DNAH11: variants seen among roughly 807,000 people sequenced by gnomAD.
DNAH11 encodes dynein axonemal heavy chain 11.
In DNAH11, 442 loss-of-function variants were observed where a neutral mutation model predicts 526.0. The observed-to-expected ratio is 0.84, with a 90% confidence interval of 0.78 to 0.91. The LOEUF is 0.91. DNAH11 is among the 40% of genes least tolerant of loss of function. The probability of loss-of-function intolerance (pLI) is 0.00; values close to 1 mark genes in which losing one functional copy is unlikely to be tolerated. For missense variants in DNAH11, 6,989 were observed against 5,448.7 expected (o/e 1.28, Z -8.90); for synonymous variants, 2,461 against 1,935.9 (o/e 1.27, Z -7.12).
intron 44 of DNAH11, 40 bp downstream of exon 44, chr7:21,720,896 T>C (rs781280892): frequency 6.2e-7 from 1 of 1,601,526 alleles, no homozygotes; most frequent in Non-Finnish European, 8.5e-7. Flanking sequence ...TTTCCAGTTT[T>C]GTGTGGGACA....
chr7:21,622,428 C>T (rs1445475826), intron 25 of DNAH11, among the ~76,000 whole-genome samples: 1 of 152,174 alleles, frequency 6.6e-6, no homozygotes, highest in African/African-American at 2.4e-5. Context: ...CCATCCCCAT[C>T]AAGCTACCAA....
intron 41 of DNAH11, 139 bp downstream of exon 41, chr7:21,710,842 C>A: frequency 1.1e-6 from 1 of 884,332 alleles, no homozygotes; most frequent in Non-Finnish European, 1.6e-6. Context: ...ATAAGTGTTG[C>A]TTTCCTGATA....
rs775542623 is a variant in DNAH11 at position 21,773,861 on chromosome 7, C to G, written c.9198C>G (p.His3066Gln). The change falls in exon 56 of 82, where the codon CAC becomes CAG. Residue 3066 changes from histidine to glutamine, a missense_variant. Transcript: ENST00000409508. ...STRYYQNERR[H>Q]NYTTPKSFLE... ...GATATTACCAGAATGAGAGAAGACA[C>G]AACTATACCACCCCAAAGAGTTTTC... is the stretch of plus-strand genomic sequence containing the variant. The G allele has an allele frequency of 2.4e-5, 39 of 1,606,422 alleles. No individual in the cohort carries two copies. The East Asian group carries it at 8.7e-4, about 36-fold the overall frequency.
intron 56 of DNAH11, 144 bp downstream of exon 56, chr7:21,774,143 T>C (rs1464985180): frequency 2.6e-6 from 2 of 780,546 alleles, no homozygotes; most frequent in Admixed American, 3.0e-5. Flanking sequence ...AATACACTGC[T>C]ACTGCTTTCA....
chr7:21,779,193 C>G, intron 57 of DNAH11, 89 bp downstream of exon 57: 1 of 1,444,306 alleles, frequency 6.9e-7, no homozygotes, highest in Non-Finnish European at 9.3e-7. Flanking sequence ...AACTTCCTCT[C>G]CAGGGAGCAT....
intron 28 of DNAH11, among the ~76,000 whole-genome samples, 181 bp downstream of exon 28, chr7:21,639,246 A>T (rs1251521641): frequency 6.6e-6 from 1 of 152,206 alleles, no homozygotes; most frequent in Non-Finnish European, 1.5e-5. Flanking sequence ...GAGTAGGAAG[A>T]ATAACTGTCT....
chr7:21,616,147 T>A, intron 21 of DNAH11, 62 bp from the exon 22 acceptor site: 1 of 1,227,396 alleles, frequency 8.1e-7, no homozygotes, highest in South Asian at 1.3e-5. Context: ...TTATATATTT[T>A]GCTGCAGAGA....
At chr7:21,795,776 T>C (rs1284999174) in intron 61 of DNAH11, among the ~76,000 whole-genome samples, 3 of 152,190 alleles carry the variant, frequency 2.0e-5, no homozygotes, top group South Asian at 4.1e-4. Context: ...TGCCAAGTGC[T>C]GCCAAGGGAG....
intron 74 of DNAH11, among the ~76,000 whole-genome samples, chr7:21,874,458 C>T (rs949558838): frequency 5.3e-5 from 8 of 152,030 alleles, no homozygotes; most frequent in African/African-American, 1.9e-4. Context: ...GCCTCAGCCT[C>T]CCAGGTAGCT....
rs1291052192 is a variant in DNAH11 at position 21,739,638 on chromosome 7, A to C, written c.7879A>C (p.Met2627Leu). ...NCQYVACMNPMVGSFTINPRL... is the reference protein window; with the variant it reads ...NCQYVACMNPLVGSFTINPRL... ...CCAGTATGTCGCCTGCATGAATCCGATGGTGGGCAGCTTCACCATCAATCC... is the reference window on the plus strand; with the variant it reads ...CCAGTATGTCGCCTGCATGAATCCGCTGGTGGGCAGCTTCACCATCAATCC... The change falls in exon 48 of 82, where the codon ATG (methionine) becomes CTG (leucine). Residue 2627 changes from methionine (M) to leucine (L), a missense_variant. By Grantham distance (15) the Met-to-Leu change is conservative (BLOSUM62 2). Transcript: ENST00000409508. 1.2e-6 allele frequency: 2 copies of C among 1,612,812 alleles called. No individual in the cohort carries two copies. Among genetic ancestry groups the C allele is most frequent in the Non-Finnish European group, 1.7e-6 (2 of 1,179,464 alleles).
chr7:21,740,054 G>A (rs1443985300), intron 48 of DNAH11, among the ~76,000 whole-genome samples: 3 of 151,886 alleles, frequency 2.0e-5, no homozygotes, highest in Non-Finnish European at 4.4e-5. Context: ...TACGTTCCAG[G>A]GGCTTTTGAC....
Position 21,901,285 on chromosome 7 carries a change from G to A in DNAH11, c.*31G>A, listed in dbSNP as rs545781943. ...CACTGGCATTCCTCTAGCCTCTGCT[G>A]GAGTGCAGTGAGGATTTTCTAGCAT... On this transcript the variant is annotated 3_prime_UTR_variant, in exon 82 of 82. Transcript: ENST00000409508. 7.6e-6 allele frequency: 12 copies of A among 1,573,482 alleles called. No homozygotes were observed. The highest frequency in any genetic ancestry group is 9.5e-6 in the Non-Finnish European group (11 of 1,159,424).
chr7:21,562,141 T>C (rs182566328), intron 5 of DNAH11, among the ~76,000 whole-genome samples: 1 of 152,346 alleles, frequency 6.6e-6, no homozygotes, highest in Non-Finnish European at 1.5e-5. Flanking sequence ...TATTAACACC[T>C]TCCTTGAAGA....
chr7:21,673,048 T>C (rs1782707733), intron 30 of DNAH11, among the ~76,000 whole-genome samples: 1 of 152,132 alleles, frequency 6.6e-6, no homozygotes, highest in African/African-American at 2.4e-5. Context: ...TTTTTCACGG[T>C]GTGTGACATA....
intron 8 of DNAH11, among the ~76,000 whole-genome samples, chr7:21,573,219 C>T (rs1325411742): frequency 1.3e-5 from 2 of 152,174 alleles, no homozygotes; most frequent in Admixed American, 6.5e-5. Flanking sequence ...TGCATAGTCA[C>T]AAACATGTAG....
At chr7:21,751,742 C>T (rs1000450723) in intron 54 of DNAH11, among the ~76,000 whole-genome samples, 5 of 152,166 alleles carry the variant, frequency 3.3e-5, no homozygotes, top group African/African-American at 9.7e-5. Context: ...TCAAGTTTCA[C>T]GTTAATCTTA....
intron 48 of DNAH11, among the ~76,000 whole-genome samples, chr7:21,741,149 A>G (rs1480865842): frequency 2.6e-5 from 4 of 152,308 alleles, no homozygotes; most frequent in Admixed American, 2.0e-4. Context: ...CTCTGTTTCT[A>G]TAAATTTTGC....
rs543552204 is a variant in DNAH11 at position 21,707,811 on chromosome 7, C to G, written c.6659C>G (p.Ala2220Gly). 3.1e-6 allele frequency: 5 copies of G among 1,603,306 alleles called. No homozygotes were observed. The South Asian group carries it at 5.7e-5, about 18-fold the overall frequency. ...GAACTCTTTGGTTTCATACATCATGCTACCCGAGAATGGAAAGATGGCAAG... is the reference window on the plus strand; with the variant it reads ...GAACTCTTTGGTTTCATACATCATGGTACCCGAGAATGGAAAGATGGCAAG... Reference protein sequence around the residue: ...TDELFGFIHHATREWKDGKIV... With the variant: ...TDELFGFIHHGTREWKDGKIV... Residue 2220 changes from alanine to glycine, a missense_variant, in exon 40 of 82, where the codon GCT (alanine) becomes GGT (glycine). Physicochemically the swap from Ala to Gly is moderately conservative, Grantham distance 60 (BLOSUM62 0). Transcript: ENST00000409508.
intron 32 of DNAH11, among the ~76,000 whole-genome samples, chr7:21,685,524 C>G (rs1219642011): frequency 6.6e-6 from 1 of 152,138 alleles, no homozygotes; most frequent in African/African-American, 2.4e-5. Context: ...TTTACATTAA[C>G]AAAATGATGC....
Sources: allele counts gnomAD v4.1 joint callset (sites outside exome capture counted in the v4.1 genomes callset), GRCh38; gene constraint gnomAD v4.1.1; transcripts MANE v1.5; gene names NCBI Gene and HGNC (gene_info 2026-07-23, HGNC 2026-07-21).